The following DENND1A variants were observed in gnomAD, a reference collection of about 807,000 sequenced individuals.
The protein encoded by DENND1A is DENN domain-containing protein 1A.
In DENND1A, 51 loss-of-function variants were observed where a neutral mutation model predicts 113.7. That is an observed-to-expected ratio of 0.45 (90% confidence interval 0.36 to 0.57). DENND1A has a LOEUF of 0.57. Among genes scored for constraint, DENND1A ranks in the 20% least tolerant of loss-of-function variants. The pLI, the probability that DENND1A is intolerant of heterozygous loss-of-function variation, is 0.00. For synonymous variants in DENND1A, 565 were observed against 570.8 expected (o/e 0.99, Z 0.14); for missense variants, 1,258 against 1,395.9 (o/e 0.90, Z 1.57).
At chr9:123,552,511 C>T (rs2057154047) in intron 13 of DENND1A, among the ~76,000 whole-genome samples, 1 of 152,230 alleles carries the variant, frequency 6.6e-6, no homozygotes, top group Non-Finnish European at 1.5e-5. Context: ...ACTGCAGTAA[C>T]CTGACAGCCA....
At chr9:123,383,539 G>C (rs748332281) in intron 23 of DENND1A, 116 bp downstream of exon 23, 12 of 1,478,252 alleles carry the variant, frequency 8.1e-6, no homozygotes, top group Non-Finnish European at 1.1e-5. Flanking sequence ...CATTGGCTGA[G>C]GGTCTTGGAA....
At chr9:123,675,741 G>A (rs190649880) in intron 6 of DENND1A, among the ~76,000 whole-genome samples, 8 of 152,104 alleles carry the variant, frequency 5.3e-5, no homozygotes, top group Non-Finnish European at 1.2e-4. Flanking sequence ...TGAGAGTATC[G>A]TGACCCAGGC....
chr9:123,531,108 C>G (rs1442262413), intron 13 of DENND1A, among the ~76,000 whole-genome samples: 1 of 152,072 alleles, frequency 6.6e-6, no homozygotes, highest in Non-Finnish European at 1.5e-5. Context: ...ATATGTGGGT[C>G]TATTCTGTTT....
chr9:123,771,336 A>G (rs941424764), intron 3 of DENND1A, among the ~76,000 whole-genome samples: 4 of 152,208 alleles, frequency 2.6e-5, no homozygotes, highest in Admixed American at 6.5e-5. Flanking sequence ...GTATACTACA[A>G]TTCACATACA....
intron 1 of DENND1A, among the ~76,000 whole-genome samples, chr9:123,900,490 G>A (rs969003402): frequency 2.6e-5 from 4 of 152,158 alleles, no homozygotes; most frequent in Non-Finnish European, 2.9e-5. Context: ...GGGGATGCTC[G>A]CTTAAGGGTT....
chr9:123,636,927 C>T (rs1422326599), intron 9 of DENND1A, among the ~76,000 whole-genome samples: 1 of 152,276 alleles, frequency 6.6e-6, no homozygotes, highest in East Asian at 1.9e-4. Flanking sequence ...AACTCCTGAC[C>T]TCATGTGATC....
At chr9:123,599,370 A>C (rs2059842802) in intron 11 of DENND1A, among the ~76,000 whole-genome samples, 1 of 152,158 alleles carries the variant, frequency 6.6e-6, no homozygotes, top group Non-Finnish European at 1.5e-5. Context: ...TTAGTTTAGC[A>C]GGGGGGAAAA....
intron 1 of DENND1A, among the ~76,000 whole-genome samples, chr9:123,882,322 C>CAAAAAA (rs59820553): frequency 7.2e-5 from 9 of 124,410 alleles, no homozygotes; most frequent in African/African-American, 1.9e-4. Flanking sequence ...AACCTTGTTT[C>CAAAAAA]AAAAAAAAAA....
intron 13 of DENND1A, among the ~76,000 whole-genome samples, chr9:123,495,366 T>C (rs1304875691): frequency 6.6e-6 from 1 of 152,152 alleles, no homozygotes; most frequent in Non-Finnish European, 1.5e-5. Flanking sequence ...CATTAACACA[T>C]GCAGCTCTTC....
intron 4 of DENND1A, among the ~76,000 whole-genome samples, chr9:123,763,910 G>C (rs2071251221): frequency 6.6e-6 from 1 of 152,136 alleles, no homozygotes; most frequent in African/African-American, 2.4e-5. Context: ...GAAGTGTGTA[G>C]ATAACTCGTT....
intron 9 of DENND1A, among the ~76,000 whole-genome samples, chr9:123,635,267 A>G: frequency 6.6e-6 from 1 of 152,244 alleles, no homozygotes; most frequent in East Asian, 1.9e-4. Flanking sequence ...AGACCCTTGC[A>G]AAGTATTGTT....
chr9:123,483,262 C>A (rs1258768520), intron 13 of DENND1A, among the ~76,000 whole-genome samples: 1 of 152,162 alleles, frequency 6.6e-6, no homozygotes, highest in East Asian at 1.9e-4. Context: ...AGCAGAGGCC[C>A]CATGCAGGGA....
At chr9:123,565,630 C>T (rs1331328045) in intron 12 of DENND1A, among the ~76,000 whole-genome samples, 1 of 152,056 alleles carries the variant, frequency 6.6e-6, no homozygotes, top group African/African-American at 2.4e-5. Flanking sequence ...TTCTAAAGTC[C>T]CATAGGGAAT....
intron 2 of DENND1A, among the ~76,000 whole-genome samples, chr9:123,795,525 T>C (rs1833635485): frequency 6.6e-6 from 1 of 152,200 alleles, no homozygotes; most frequent in South Asian, 2.1e-4. Flanking sequence ...CAAACCGCCT[T>C]TAAATTTTCT....
At chr9:123,429,393 TA>T (rs1237500838) in intron 19 of DENND1A, among the ~76,000 whole-genome samples, 3 of 152,048 alleles carry the variant, frequency 2.0e-5, no homozygotes, top group Non-Finnish European at 2.9e-5. Flanking sequence ...CCATCTCTAC[TA>T]AAAAATACAA....
intron 9 of DENND1A, among the ~76,000 whole-genome samples, chr9:123,647,148 CCTT>C (rs975149654): frequency 1.8e-4 from 28 of 152,170 alleles, no homozygotes; most frequent in African/African-American, 6.7e-4. Flanking sequence ...GAGCTTTGTA[CCTT>C]CTTTTTAGGC....
chr9:123,385,808 G>A (rs1469682015), intron 22 of DENND1A, among the ~76,000 whole-genome samples: 1 of 152,194 alleles, frequency 6.6e-6, no homozygotes, highest in Non-Finnish European at 1.5e-5. Context: ...AAGCTTGAGA[G>A]GCTTCAAACG....
At chr9:123,799,986 T>C (rs1834368053) in intron 2 of DENND1A, among the ~76,000 whole-genome samples, 1 of 152,222 alleles carries the variant, frequency 6.6e-6, no homozygotes, top group Admixed American at 6.5e-5. Flanking sequence ...TGCCTCAAAT[T>C]GGAAATACAT....
chr9:123,466,137 T>C (rs1173942963), intron 13 of DENND1A, among the ~76,000 whole-genome samples: 1 of 152,150 alleles, frequency 6.6e-6, no homozygotes, highest in Non-Finnish European at 1.5e-5. Context: ...TAGCTGGGAC[T>C]ACAGGCGCCA....
Sources: allele counts gnomAD v4.1 joint callset (sites outside exome capture counted in the v4.1 genomes callset), GRCh38; gene constraint gnomAD v4.1.1; transcripts MANE v1.5; gene names NCBI Gene and HGNC (gene_info 2026-07-23, HGNC 2026-07-21).